GNAO1: variants seen among roughly 807,000 people sequenced by gnomAD.
GNAO1 encodes guanine nucleotide-binding protein G(o) subunit alpha.
For missense variants in GNAO1, 166 were observed against 478.7 expected, an observed-to-expected ratio of 0.35 and a Z score of 6.10; for synonymous variants, 164 against 180.7, an observed-to-expected ratio of 0.91 and a Z score of 0.74.
intron 3 of GNAO1, among the ~76,000 whole-genome samples, chr16:56,280,275 G>A (rs1437314755): frequency 6.6e-6 from 1 of 152,234 alleles, no homozygotes; most frequent in East Asian, 1.9e-4. Flanking sequence ...GGTACAGTTT[G>A]ACAGGTGCAG....
At chr16:56,267,177 T>A (rs2036963058) in intron 2 of GNAO1, among the ~76,000 whole-genome samples, 1 of 152,116 alleles carries the variant, frequency 6.6e-6, no homozygotes, top group South Asian at 2.1e-4. Context: ...CGGGGCTCTC[T>A]CTCCCCGTTC....
intron 2 of GNAO1, among the ~76,000 whole-genome samples, chr16:56,245,053 A>ATGCC (rs1240670371): frequency 3.9e-5 from 6 of 152,190 alleles, no homozygotes; most frequent in African/African-American, 1.4e-4. Context: ...GGGCAAAATC[A>ATGCC]TGCCTTTAGA....
At chr16:56,200,492 A>G (rs1341332326) in intron 2 of GNAO1, among the ~76,000 whole-genome samples, 1 of 152,242 alleles carries the variant, frequency 6.6e-6, no homozygotes, top group Non-Finnish European at 1.5e-5. Flanking sequence ...ATAGTCATCA[A>G]TTCCATTTTA....
chr16:56,228,932 A>C (rs936845054), intron 2 of GNAO1, among the ~76,000 whole-genome samples: 7 of 152,210 alleles, frequency 4.6e-5, no homozygotes, highest in Non-Finnish European at 8.8e-5. Context: ...CATGTTTGTT[A>C]GTTATCTTTA....
At chr16:56,256,524 G>A (rs750799503) in intron 2 of GNAO1, among the ~76,000 whole-genome samples, 5 of 152,252 alleles carry the variant, frequency 3.3e-5, no homozygotes, top group South Asian at 2.1e-4. Context: ...TTTCCCGCAT[G>A]TACCCCCATC....
chr16:56,319,294 T>C (rs2037547242), intron 3 of GNAO1, among the ~76,000 whole-genome samples: 1 of 152,158 alleles, frequency 6.6e-6, no homozygotes, highest in Non-Finnish European at 1.5e-5. Flanking sequence ...TCAGGTTCTC[T>C]TGGTCACCAC....
intron 2 of GNAO1, among the ~76,000 whole-genome samples, chr16:56,222,369 C>G (rs2036498111): frequency 6.6e-6 from 1 of 152,084 alleles, no homozygotes; most frequent in Non-Finnish European, 1.5e-5. Context: ...CACCCTGCTC[C>G]CCACAAATTG....
intron 3 of GNAO1, among the ~76,000 whole-genome samples, chr16:56,278,357 A>G (rs2037083220): frequency 6.6e-6 from 1 of 152,078 alleles, no homozygotes; most frequent in South Asian, 2.1e-4. Context: ...GCACTCAGGC[A>G]CCCCCTTCCT....
At chr16:56,233,502 C>G (rs558910213) in intron 2 of GNAO1, among the ~76,000 whole-genome samples, 5 of 152,332 alleles carry the variant, frequency 3.3e-5, no homozygotes, top group African/African-American at 9.6e-5. Flanking sequence ...CGTGTCCTCT[C>G]TGTGTATGAA....
intron 2 of GNAO1, among the ~76,000 whole-genome samples, chr16:56,195,162 T>A (rs1296960738): frequency 2.6e-5 from 4 of 152,126 alleles, no homozygotes; most frequent in Non-Finnish European, 5.9e-5. Flanking sequence ...AAACAATTTT[T>A]TTTTTAAAGC....
chr16:56,268,175 G>C (rs1314951449), intron 2 of GNAO1, among the ~76,000 whole-genome samples: 1 of 152,200 alleles, frequency 6.6e-6, no homozygotes, highest in Admixed American at 6.5e-5. Flanking sequence ...GACTATTTCT[G>C]TGTGGGCTCT....
rs59437828 is a variant in GNAO1 at position 56,355,125 on chromosome 16, TAC to T, written c.*28+73_*28+74del. The T allele has an allele frequency of 0.21, 111,438 of 538,684 alleles. 2,307 individuals carry two copies. Among genetic ancestry groups the T allele is most frequent in the East Asian group, 0.27 (7,861 of 29,632 alleles). The allele number at this position is 538,684 out of a possible 1,614,324, so 33.4% of individuals were successfully genotyped here. A position where few individuals can be genotyped will look rare whatever the true frequency, so the allele number is the denominator to read the frequency against. On this transcript the variant is annotated intron_variant, in intron 8 of 8. Transcript: ENST00000262493. Reference sequence around the variant, plus strand: ...ACAGAACAGCTTGCGTGCGCGCGCATACACACACACACACACACACACACACA... The same window carrying T: ...ACAGAACAGCTTGCGTGCGCGCGCATACACACACACACACACACACACACA...
intron 6 of GNAO1, chr16:56,348,200 G>A: frequency 3.0e-6 from 3 of 984,788 alleles, no homozygotes; most frequent in African/African-American, 1.7e-5. Flanking sequence ...CGCTTTCCTA[G>A]CGTGAGTGTG....
rs529838901 is a variant in GNAO1, at chr16:56,199,867, C to A, written c.161+7251C>A. On this transcript the variant is annotated intron_variant, in intron 2 of 8. Transcript: ENST00000262493. ...AAAAACATTGTGCTTTTCATAGCAC[C>A]AAAAAATTAAAGTAAAATAAAATCT... 1.1e-4 allele frequency among the ~76,000 whole-genome samples: 17 copies of A among 152,160 alleles called. No individual in the cohort carries two copies. In the South Asian group the frequency reaches 2.3e-3, roughly 20 times the overall value.
chr16:56,293,627 C>T (rs1376961609), intron 3 of GNAO1, among the ~76,000 whole-genome samples: 1 of 152,142 alleles, frequency 6.6e-6, no homozygotes, highest in Non-Finnish European at 1.5e-5. Flanking sequence ...ACCTTTTATT[C>T]CTACTTTTGT....
chr16:56,198,386 A>G (rs1303865682), intron 2 of GNAO1, among the ~76,000 whole-genome samples: 3 of 152,180 alleles, frequency 2.0e-5, no homozygotes, highest in Non-Finnish European at 4.4e-5. Context: ...CACTGAGGGG[A>G]AGGAGAGGAG....
intron 3 of GNAO1, among the ~76,000 whole-genome samples, chr16:56,288,374 A>G (rs1454476208): frequency 9.2e-5 from 14 of 152,174 alleles, no homozygotes; most frequent in African/African-American, 3.4e-4. Flanking sequence ...AGGGATTGGC[A>G]CCGGTGGGGT....
chr16:56,338,150 C>T (rs1405893327), intron 6 of GNAO1, among the ~76,000 whole-genome samples: 7 of 152,170 alleles, frequency 4.6e-5, no homozygotes, highest in South Asian at 2.1e-4. Flanking sequence ...GGAGGAGCCG[C>T]CGCCCTGAGG....
intron 3 of GNAO1, among the ~76,000 whole-genome samples, chr16:56,328,114 C>T (rs552989206): frequency 7.9e-5 from 12 of 152,286 alleles, no homozygotes; most frequent in South Asian, 2.1e-4. Context: ...AATTCTCTAC[C>T]GAAACGTCTG....
Sources: allele counts gnomAD v4.1 joint callset (sites outside exome capture counted in the v4.1 genomes callset), GRCh38; gene constraint gnomAD v4.1.1; transcripts MANE v1.5; gene names NCBI Gene and HGNC (gene_info 2026-07-23, HGNC 2026-07-21).